The following TNFAIP1 variants were observed in gnomAD, a reference collection of about 807,000 sequenced individuals.
The protein encoded by TNFAIP1 is TNF alpha induced protein 1.
Under a neutral mutation model 32.6 loss-of-function variants are expected in TNFAIP1, and 20 were observed. The observed-to-expected ratio is 0.61, with a 90% CI of 0.43 to 0.89. The LOEUF is 0.89. TNFAIP1 is among the 40% of genes least tolerant of loss of function. The pLI is 0.00. For missense variants in TNFAIP1, 319 were observed against 425.1 expected (o/e 0.75, Z 2.20); for synonymous variants, 166 against 166.8 (o/e 1.00, Z 0.04).
At position 28,340,043 on chromosome 17, in the gene TNFAIP1, T is replaced by A. The variant is rs1907309600; in HGVS notation, c.206-266T>A. 6.6e-6 allele frequency among the ~76,000 whole-genome samples: 1 copy of A among 152,198 alleles called. No individual in the cohort carries two copies. The highest frequency in any genetic ancestry group is 1.5e-5 in the Non-Finnish European group (1 of 68,030). On this transcript the variant is annotated intron_variant, in intron 2 of 6. Transcript: ENST00000226225. This position sits in a 1 kb window ranked among gnomAD's most constrained non-coding sequence, Gnocchi z 4.1. ...CTGTGTTGGGCTGGGCCTGGTACCC[T>A]GAGCCTAGGCCCCTGTGGCTTCTAC...
At chr17:28,344,189 G>C (rs1162984152) in intron 6 of TNFAIP1, among the ~76,000 whole-genome samples, 175 bp from the exon 7 acceptor site, 1 of 152,126 alleles carries the variant, frequency 6.6e-6, no homozygotes, top group African/African-American at 2.4e-5. Flanking sequence ...CATGTCTGTA[G>C]AGTACATCCC....
rs1030206646 is a variant in TNFAIP1 at position 28,343,311 on chromosome 17, G to C, written c.714+869G>C. Reference sequence around the variant, plus strand: ...CCAGGCTGCAGTCAGTTACCCCAGAGAGTAGCTGCCTCCTGTGAGTGCAGG... The same window carrying C: ...CCAGGCTGCAGTCAGTTACCCCAGACAGTAGCTGCCTCCTGTGAGTGCAGG... On this transcript the variant is annotated intron_variant, in intron 6 of 6. Coordinates refer to ENST00000226225, the MANE Select transcript of TNFAIP1 (RefSeq NM_021137.5). 3.9e-5 allele frequency among the ~76,000 whole-genome samples: 6 copies of C among 152,296 alleles called. No individual in the cohort carries two copies. The South Asian group carries it at 1.2e-3, about 32-fold the overall frequency.
chr17:28,340,664 C>T lies in TNFAIP1; in HGVS notation c.375+186C>T, dbSNP rs929365169. 6.6e-6 allele frequency among the ~76,000 whole-genome samples: 1 copy of T among 152,116 alleles called. No individual in the cohort carries two copies. The highest frequency in any genetic ancestry group is 2.4e-5 in the African/African-American group (1 of 41,408). ...GCAGCCAGGTGTTCACACTTGGCAG[C>T]GTGAGTAGGCCCTGCTTCTGGTTTC... On this transcript the variant is annotated intron_variant, in intron 3 of 6. Transcript: ENST00000226225. This position sits in a 1 kb window ranked among gnomAD's most constrained non-coding sequence, Gnocchi z 4.1.
chr17:28,346,006 TA>T lies in TNFAIP1; in HGVS notation c.*1407del, dbSNP rs1907542239. The T allele has an allele frequency of 6.6e-6, 1 of 152,216 alleles. No individual in the cohort carries two copies. The highest frequency in any genetic ancestry group is 6.5e-5 in the Admixed American group (1 of 15,278). 9.4% of individuals were successfully genotyped at this position (152,216 alleles called of 1,614,324 possible). On this transcript the variant is annotated 3_prime_UTR_variant, in exon 7 of 7. Coordinates refer to ENST00000226225, the MANE Select transcript of TNFAIP1 (RefSeq NM_021137.5). ...CCTAACAAAGCAACGTAGCCACGTA[TA>T]GTACCCACTTTCTGCTCTTTGGAGA...
intron 6 of TNFAIP1, among the ~76,000 whole-genome samples, chr17:28,343,429 C>T (rs1907434943): frequency 6.6e-6 from 1 of 151,556 alleles, no homozygotes; most frequent in Non-Finnish European, 1.5e-5. Flanking sequence ...TGCCAAGCAA[C>T]TTGTCGACCC....
intron 1 of TNFAIP1, among the ~76,000 whole-genome samples, 182 bp downstream of exon 1, chr17:28,336,038 C>G (rs577042652): frequency 2.0e-5 from 3 of 152,092 alleles, no homozygotes; most frequent in South Asian, 2.1e-4. Flanking sequence ...GAGGAGTGGT[C>G]CGGGCTAGAG....
At position 28,344,674 on chromosome 17, in the gene TNFAIP1, A is replaced by G; in HGVS notation, c.*74A>G. 6.9e-7 allele frequency: 1 copy of G among 1,454,662 alleles called. No individual in the cohort carries two copies. Among genetic ancestry groups the G allele is most frequent in the Non-Finnish European group, 9.5e-7 (1 of 1,052,778 alleles). 90.1% of individuals were successfully genotyped at this position (1,454,662 alleles called of 1,614,324 possible). A position where few individuals can be genotyped will look rare whatever the true frequency, so the allele number is the denominator to read the frequency against. The stretch of plus-strand genomic sequence containing the variant: ...TGGAACCCGCCCCATTGGCCACCCC[A>G]TGCTGCTGCTGCCTGGGTCTCTGCT... On this transcript the variant is annotated 3_prime_UTR_variant, in exon 7 of 7. Coordinates refer to ENST00000226225, the MANE Select transcript of TNFAIP1 (RefSeq NM_021137.5).
intron 1 of TNFAIP1, among the ~76,000 whole-genome samples, chr17:28,337,824 TTTA>T (rs1448905796): frequency 2.6e-5 from 4 of 152,232 alleles, no homozygotes; most frequent in Admixed American, 1.3e-4. Flanking sequence ...ATATCACTGT[TTTA>T]TTATCTTTAT....
Position 28,344,908 on chromosome 17 carries a change from C to T in TNFAIP1, c.*308C>T, listed in dbSNP as rs1254204693. 7 of 318,932 alleles carry T rather than the reference C, an allele frequency of 2.2e-5. No individual in the cohort carries two copies. In the African/African-American group the frequency reaches 4.5e-4, roughly 21 times the overall value. 19.8% of individuals were successfully genotyped at this position (318,932 alleles called of 1,614,324 possible). Reference sequence around the variant, plus strand: ...CTCCTGCTGAGAACCTTCCCCTAGGCCCTGTGCAGAAGGCTACTGCCCCTT... The same window carrying T: ...CTCCTGCTGAGAACCTTCCCCTAGGTCCTGTGCAGAAGGCTACTGCCCCTT... On this transcript the variant is annotated 3_prime_UTR_variant, in exon 7 of 7. Coordinates refer to ENST00000226225, the MANE Select transcript of TNFAIP1 (RefSeq NM_021137.5).
Position 28,339,187 on chromosome 17 carries a change from G to C in TNFAIP1, c.-114-221G>C, listed in dbSNP as rs145354243. On this transcript the variant is annotated intron_variant, in intron 1 of 6. Coordinates refer to ENST00000226225, the MANE Select transcript of TNFAIP1 (RefSeq NM_021137.5). ...TGGGAGGCAAAGGCTGCAGTGAGCC[G>C]AGATGGCACCACTGCACTCCAGCCT... Among the ~76,000 whole-genome samples the C allele has an allele frequency of 6.7e-3, 1,000 of 150,114 alleles. 11 individuals carry two copies. The highest frequency in any genetic ancestry group is 0.023 in the African/African-American group (954 of 40,764).
At position 28,346,633 on chromosome 17, in the gene TNFAIP1, T is replaced by G. The variant is rs1438183557; in HGVS notation, c.*2033T>G. 6.6e-6 allele frequency: 1 copy of G among 152,384 alleles called. No individual in the cohort carries two copies. Among genetic ancestry groups the G allele is most frequent in the East Asian group, 1.9e-4 (1 of 5,196 alleles). 9.4% of individuals were successfully genotyped at this position (152,384 alleles called of 1,614,324 possible). A position where few individuals can be genotyped will look rare whatever the true frequency, so the allele number is the denominator to read the frequency against. On this transcript the variant is annotated 3_prime_UTR_variant, in exon 7 of 7. Coordinates refer to ENST00000226225, the MANE Select transcript of TNFAIP1 (RefSeq NM_021137.5). ...AATACTAACATTGAACTCACTGACA[T>G]GATCTTAGCTTCTTTAATCAGACTT...
chr17:28,344,370 T>A lies in TNFAIP1; in HGVS notation c.721T>A (p.Phe241Ile), dbSNP rs1907468484. The change falls in exon 7 of 7, where the codon TTC (phenylalanine) becomes ATC (isoleucine). Residue 241 changes from phenylalanine to isoleucine, a missense_variant. Phe to Ile is a conservative substitution (Grantham distance 21, BLOSUM62 0). Transcript: ENST00000226225. ...ATEKKQTKVE[F>I]PEARIYEETL... ...TCTTCCTCCCTAACCCCAGGTGGAA[T>A]TCCCAGAGGCCCGAATCTATGAGGA... 6.2e-7 allele frequency: 1 copy of A among 1,612,940 alleles called. No homozygotes were observed. Among genetic ancestry groups the A allele is most frequent in the Admixed American group, 1.7e-5 (1 of 59,990 alleles).
At chr17:28,336,352 G>GTGGAAACTTCATTCTCAC (rs1907156294) in intron 1 of TNFAIP1, 3 of 152,218 alleles carry the variant, frequency 2.0e-5, no homozygotes, top group Admixed American at 1.3e-4. Context: ...GTGGCTATCA[G>GTGGAAACTTCATTCTCAC]TGGAAACTTC....
Position 28,340,229 on chromosome 17 carries a change from G to C in TNFAIP1, c.206-80G>C. The C allele has an allele frequency of 6.7e-7, 1 of 1,485,560 alleles. No homozygotes were observed. Among genetic ancestry groups the C allele is most frequent in the Non-Finnish European group, 9.3e-7 (1 of 1,079,318 alleles). 92.0% of individuals were successfully genotyped at this position (1,485,560 alleles called of 1,614,324 possible). A position where few individuals can be genotyped will look rare whatever the true frequency, so the allele number is the denominator to read the frequency against. On this transcript the variant is annotated intron_variant, in intron 2 of 6. Transcript: ENST00000226225. The surrounding 1 kb of genome is among the most constrained non-coding windows in gnomAD (Gnocchi z 4.1). ...TGGACCCCCTTCCCTGCCACCTGCC[G>C]CCAGCTTGTCAGGTGGCCTTTGCCT...
chr17:28,339,869 C>A (rs1186254949), intron 2 of TNFAIP1, 143 bp downstream of exon 2: 19 of 792,180 alleles, frequency 2.4e-5, no homozygotes, highest in Non-Finnish European at 1.4e-5. Context: ...CTTCAGAATT[C>A]TGTGAAATTG....
In TNFAIP1 at chr17:28,345,849, A is replaced by C. The variant is rs1294247688; in HGVS notation, c.*1249A>C. On this transcript the variant is annotated 3_prime_UTR_variant, in exon 7 of 7. Transcript: ENST00000226225. ...TAACTCAGCCATGGAGATGCCAAGCACTAGCCAGGAGGTGAGTTCCTCTTT... is the reference window on the plus strand; with the variant it reads ...TAACTCAGCCATGGAGATGCCAAGCCCTAGCCAGGAGGTGAGTTCCTCTTT... 4 of 152,254 alleles carry C rather than the reference A, an allele frequency of 2.6e-5. No homozygotes were observed. Among genetic ancestry groups the C allele is most frequent in the Non-Finnish European group, 5.9e-5 (4 of 68,038 alleles). The allele number at this position is 152,254 out of a possible 1,614,324, so 9.4% of individuals were successfully genotyped here. A position where few individuals can be genotyped will look rare whatever the true frequency, so the allele number is the denominator to read the frequency against.
chr17:28,340,269 TGGCGGCAAAC>T lies in TNFAIP1; in HGVS notation c.206-39_206-30del. 6.2e-7 allele frequency: 1 copy of T among 1,601,110 alleles called. No individual in the cohort carries two copies. The highest frequency in any genetic ancestry group is 8.5e-7 in the Non-Finnish European group (1 of 1,170,908). ...GGCCTTTGCCTGCCTCGGAGGTACC[TGGCGGCAAAC>T]TAACCCTGTAGGGCCTTCTGCACCC... On this transcript the variant is annotated intron_variant, in intron 2 of 6. Coordinates refer to ENST00000226225, the MANE Select transcript of TNFAIP1 (RefSeq NM_021137.5). This position sits in a 1 kb window ranked among gnomAD's most constrained non-coding sequence, Gnocchi z 4.1.
At chr17:28,341,111 T>C in intron 3 of TNFAIP1, 126 bp from the exon 4 acceptor site, 4 of 973,678 alleles carry the variant, frequency 4.1e-6, no homozygotes, top group Non-Finnish European at 6.4e-6. Flanking sequence ...AGGGGCCTCA[T>C]GATCTGTATC....
chr17:28,341,273 C>T lies in TNFAIP1; in HGVS notation c.412C>T (p.Pro138Ser), dbSNP rs1555578116. 2 of 1,614,206 alleles carry T rather than the reference C, an allele frequency of 1.2e-6. No homozygotes were observed. Among genetic ancestry groups the T allele is most frequent in the Admixed American group, 3.3e-5 (2 of 60,028 alleles). Residue 138 changes from proline to serine, a missense_variant, in exon 4 of 7, where the codon CCC (proline) becomes TCC (serine). Coordinates refer to ENST00000226225, the MANE Select transcript of TNFAIP1 (RefSeq NM_021137.5). Reference protein sequence around the residue: ...KDSYQPVCNIPIITSLKEEER... With the variant: ...KDSYQPVCNISIITSLKEEER... ...CTCCTACCAGCCTGTGTGCAACATC[C>T]CCATCATCACATCCCTAAAGGAGGA...
Sources: allele counts gnomAD v4.1 joint callset (sites outside exome capture counted in the v4.1 genomes callset), GRCh38; gene constraint gnomAD v4.1.1; non-coding constraint Gnocchi (gnomAD v3.1); transcripts MANE v1.5; gene names NCBI Gene and HGNC (gene_info 2026-07-23, HGNC 2026-07-21).